The following ELN variants were observed in gnomAD, a reference collection of about 807,000 sequenced individuals.
ELN encodes the protein elastin.
A neutral mutation model predicts 105.8 loss-of-function variants in ELN; 65 were observed. The ratio of observed to expected loss-of-function variants is 0.61; its 90% confidence interval spans 0.50 to 0.75. The LOEUF (loss-of-function observed/expected upper bound fraction) is 0.75. ELN is among the 30% of genes least tolerant of loss of function. The pLI, the probability that ELN is intolerant of heterozygous loss-of-function variation, is 0.00. For missense variants in ELN, 882 were observed against 969.4 expected (o/e 0.91, Z 1.20); for synonymous variants, 368 against 389.2 (o/e 0.95, Z 0.64).
intron 1 of ELN, 45 bp from the exon 2 acceptor site, chr7:74,035,319 A>G: frequency 1.9e-6 from 3 of 1,611,248 alleles, no homozygotes; most frequent in Non-Finnish European, 2.5e-6. Context: ...CACCAGCCTA[A>G]TAGTTCTGGC....
rs56307747 is a variant in ELN, at chr7:74,059,952, G to C, written c.1481G>C (p.Gly494Ala). 1 of 1,611,774 alleles carries C rather than the reference G, an allele frequency of 6.2e-7. No homozygotes were observed. The highest frequency in any genetic ancestry group is 1.3e-5 in the African/African-American group (1 of 74,892). ...GVAPGVGVAP[G>A]VGLAPGVGVA... ...GCTCCTGGTGTCGGTGTGGCTCCTG[G>C]AGTTGGCTTGGCTCCTGGAGTTGGC... The change falls in exon 23 of 33, where the codon GGA becomes GCA. Residue 494 changes from glycine (G) to alanine (A), a missense_variant. Transcript: ENST00000252034.
At chr7:74,047,812 A>G in intron 13 of ELN, 96 bp downstream of exon 13, 1 of 1,560,392 alleles carries the variant, frequency 6.4e-7, no homozygotes, top group Non-Finnish European at 8.8e-7. Context: ...CCAGGAGAGC[A>G]CCTCGCTGGG....
At chr7:74,052,944 T>C in intron 17 of ELN, 1 of 600,338 alleles carries the variant, frequency 1.7e-6, no homozygotes, top group Non-Finnish European at 2.9e-6. Context: ...AAGAAAGAGA[T>C]CACATTCCTC....
In ELN at chr7:74,052,129, A is replaced by C. The variant is rs572224028; in HGVS notation, c.949+146A>C. 1.0e-4 allele frequency: 91 copies of C among 869,302 alleles called. 2 individuals are homozygous for C. In the South Asian group the frequency reaches 1.4e-3, roughly 13 times the overall value. The allele number at this position is 869,302 out of a possible 1,614,324, so 53.8% of individuals were successfully genotyped here. ...CTCCTTACCTTTGCCCCTTCTGATC[A>C]CTCTACCTGAGATGCCATCTCTATT... is the stretch of plus-strand genomic sequence containing the variant. On this transcript the variant is annotated intron_variant, in intron 17 of 32. Transcript: ENST00000252034.
chr7:74,035,241 T>G (rs1789625619), intron 1 of ELN, 123 bp from the exon 2 acceptor site: 3 of 907,746 alleles, frequency 3.3e-6, no homozygotes, highest in East Asian at 5.0e-5. Flanking sequence ...CCATCAGCAT[T>G]ATTCTTGTTT....
Position 74,053,158 on chromosome 7 carries a change from C to G in ELN, c.950-5C>G, listed in dbSNP as rs781826630. ...GTTAGGGGAACAATGCTTTTTCTTC[C>G]ACAGGAGCTGCTGCAGGCTTAGTGC... On this transcript the variant is annotated splice_polypyrimidine_tract_variant and splice_region_variant and intron_variant, in intron 17 of 32. Coordinates refer to ENST00000252034, the MANE Select transcript of ELN (RefSeq NM_000501.4). 4 of 1,614,030 alleles carry G rather than the reference C, an allele frequency of 2.5e-6. No homozygotes were observed. Among genetic ancestry groups the G allele is most frequent in the Non-Finnish European group, 3.4e-6 (4 of 1,180,038 alleles).
chr7:74,066,244 G>A (rs565511784), intron 31 of ELN, among the ~76,000 whole-genome samples: 1 of 152,334 alleles, frequency 6.6e-6, no homozygotes, highest in South Asian at 2.1e-4. Context: ...GTGGCGGCAT[G>A]TTGTGTTGAG....
At chr7:74,032,212 A>T (rs1788861629) in intron 1 of ELN, among the ~76,000 whole-genome samples, 1 of 152,164 alleles carries the variant, frequency 6.6e-6, no homozygotes, top group Non-Finnish European at 1.5e-5. Flanking sequence ...AGTCGGTGAA[A>T]CATGCCAAAA....
chr7:74,058,198 C>T (rs1795767017), intron 22 of ELN, among the ~76,000 whole-genome samples: 1 of 148,560 alleles, frequency 6.7e-6, no homozygotes, highest in Admixed American at 6.8e-5. Context: ...CCTGCTTCTC[C>T]TTTCTTCTCC....
chr7:74,054,629 C>A, intron 18 of ELN, 87 bp from the exon 19 acceptor site: 1 of 1,393,224 alleles, frequency 7.2e-7, no homozygotes, highest in East Asian at 2.3e-5. Context: ...GATGGCCCAA[C>A]ACACAGATGG....
intron 30 of ELN, 40 bp from the exon 31 acceptor site, chr7:74,065,904 A>T: frequency 1.2e-6 from 2 of 1,613,852 alleles, no homozygotes; most frequent in Non-Finnish European, 1.7e-6. Flanking sequence ...CCTCTTCCCG[A>T]TGGGGGTGTC....
intron 18 of ELN, among the ~76,000 whole-genome samples, chr7:74,053,759 G>T (rs554643408): frequency 6.6e-6 from 1 of 151,154 alleles, no homozygotes; most frequent in South Asian, 2.1e-4. Context: ...TGGGTGGGTG[G>T]ATGGATGGAT....
chr7:74,053,919 A>G (rs1554678003), intron 18 of ELN, among the ~76,000 whole-genome samples: 5 of 150,734 alleles, frequency 3.3e-5, no homozygotes. Context: ...GAATGGGTAG[A>G]TGGATGAGGG....
In ELN at chr7:74,069,496, G is replaced by A; in HGVS notation, c.*796G>A. The A allele has an allele frequency of 4.3e-6, 1 of 234,528 alleles. No homozygotes were observed. The highest frequency in any genetic ancestry group is 8.4e-6 in the Non-Finnish European group (1 of 118,808). 14.5% of individuals were successfully genotyped at this position (234,528 alleles called of 1,614,324 possible). A position where few individuals can be genotyped will look rare whatever the true frequency, so the allele number is the denominator to read the frequency against. ...ATCCTACACTCCCCCAGGGCGTGCGGGGCTGTGCAGACTGGGGTGCCAGGC... is the reference window on the plus strand; with the variant it reads ...ATCCTACACTCCCCCAGGGCGTGCGAGGCTGTGCAGACTGGGGTGCCAGGC... On this transcript the variant is annotated 3_prime_UTR_variant, in exon 33 of 33. Transcript: ENST00000252034.
intron 9 of ELN, among the ~76,000 whole-genome samples, chr7:74,044,788 C>T (rs1394080661): frequency 2.6e-5 from 4 of 152,200 alleles, no homozygotes; most frequent in African/African-American, 9.7e-5. Flanking sequence ...AGGTGGAAGA[C>T]GCTGGCATGG....
At chr7:74,052,889 G>A (rs1794403559) in intron 17 of ELN, 1 of 492,888 alleles carries the variant, frequency 2.0e-6, no homozygotes. Flanking sequence ...GAGAGAGAGA[G>A]AAAGAAAGAA....
At chr7:74,036,288 C>T (rs1409321917) in intron 2 of ELN, among the ~76,000 whole-genome samples, 4 of 151,038 alleles carry the variant, frequency 2.6e-5, no homozygotes, top group South Asian at 2.1e-4. Context: ...AGGGAGACTC[C>T]GTATAAAAAA....
rs1787874288 is a variant in ELN at position 74,028,247 on chromosome 7, C to T, written c.60C>T (p.Ile20=). The T allele has an allele frequency of 6.2e-7, 1 of 1,610,010 alleles. No individual in the cohort carries two copies. Among genetic ancestry groups the T allele is most frequent in the East Asian group, 2.2e-5 (1 of 44,836 alleles). The change falls in exon 1 of 33, where the codon ATC becomes ATT. Residue 20 remains isoleucine (I), a synonymous_variant. Coordinates refer to ENST00000252034, the MANE Select transcript of ELN (RefSeq NM_000501.4). The part of the protein sequence containing the change: ...RPGVLLLLLS[I]LHPSRPGGVP... ...GAGTCCTCCTGCTCCTGCTGTCCAT[C>T]CTCCACCCCTCTCGGCCTGGAGGTA...
chr7:74,066,851 C>G, intron 32 of ELN, 75 bp downstream of exon 32: 1 of 1,534,966 alleles, frequency 6.5e-7, no homozygotes, highest in East Asian at 2.3e-5. Context: ...TGTGCCATCT[C>G]CTGCTCAGAA....
Sources: allele counts gnomAD v4.1 joint callset (sites outside exome capture counted in the v4.1 genomes callset), GRCh38; gene constraint gnomAD v4.1.1; transcripts MANE v1.5; gene names NCBI Gene and HGNC (gene_info 2026-07-23, HGNC 2026-07-21).